The following TMEM207 variants were observed in gnomAD, a reference collection of about 807,000 sequenced individuals.
TMEM207 encodes SRSR846.
TMEM207 carries 15 observed loss-of-function variants against 17.4 expected under a neutral mutation model. The observed-to-expected ratio is 0.86, with a 90% CI of 0.58 to 1.33. The LOEUF (loss-of-function observed/expected upper bound fraction) is 1.33. Ranked by LOEUF, TMEM207 falls within the 40% of genes most tolerant of loss-of-function variation. The pLI is 0.00. For missense variants in TMEM207, 205 were observed against 173.8 expected, an observed-to-expected ratio of 1.18 and a Z score of -1.01; for synonymous variants, 70 against 65.6, an observed-to-expected ratio of 1.07 and a Z score of -0.33.
chr3:190,445,549 G>A (rs567714847), intron 2 of TMEM207, among the ~76,000 whole-genome samples: 12 of 152,150 alleles, frequency 7.9e-5, no homozygotes, highest in Non-Finnish European at 1.6e-4. Flanking sequence ...TATTTGAGAC[G>A]GAGTCTCGCT....
At chr3:190,435,066 T>C (rs1355245578) in intron 4 of TMEM207, among the ~76,000 whole-genome samples, 1 of 151,238 alleles carries the variant, frequency 6.6e-6, no homozygotes, top group Non-Finnish European at 1.5e-5. Flanking sequence ...CTTCTCCTCT[T>C]CTTCGTTCTC....
At chr3:190,440,586 G>C (rs142753585) in intron 3 of TMEM207, among the ~76,000 whole-genome samples, 197 bp from the exon 4 acceptor site, 22 of 152,146 alleles carry the variant, frequency 1.4e-4, no homozygotes, top group Admixed American at 1.4e-3. Flanking sequence ...GCCTCAGAAA[G>C]GGTTGATCTT....
At chr3:190,434,504 G>A (rs1719759701) in intron 4 of TMEM207, among the ~76,000 whole-genome samples, 1 of 152,128 alleles carries the variant, frequency 6.6e-6, no homozygotes, top group Admixed American at 6.5e-5. Flanking sequence ...CCAGCCACAT[G>A]GAACTGTAAG....
At chr3:190,438,707 T>C (rs1719857837) in intron 4 of TMEM207, among the ~76,000 whole-genome samples, 1 of 152,180 alleles carries the variant, frequency 6.6e-6, no homozygotes, top group Admixed American at 6.5e-5. Flanking sequence ...AGAAGCATAA[T>C]TGCATTTACT....
intron 3 of TMEM207, among the ~76,000 whole-genome samples, chr3:190,440,925 T>C (rs997795025): frequency 5.3e-5 from 8 of 152,040 alleles, no homozygotes; most frequent in East Asian, 3.9e-4. Context: ...AAAAATTAGC[T>C]GGGCGTGATG....
chr3:190,433,995 G>C (rs1719748685), intron 4 of TMEM207, among the ~76,000 whole-genome samples: 1 of 152,074 alleles, frequency 6.6e-6, no homozygotes, highest in Non-Finnish European at 1.5e-5. Flanking sequence ...CATGATTTAA[G>C]TTCCCTGAGG....
Position 190,440,285 on chromosome 3 carries a change from G to A in TMEM207, c.263C>T (p.Thr88Ile). 6.2e-7 allele frequency: 1 copy of A among 1,614,004 alleles called. No individual in the cohort carries two copies. Residue 88 changes from threonine (T) to isoleucine (I), a missense_variant, in exon 4 of 5, where the codon ACC (threonine) becomes ATC (isoleucine). Thr to Ile is a moderately conservative substitution (Grantham distance 89, BLOSUM62 -1). Transcript: ENST00000354905. ...GTCTCCAACAGCAAAAACTGCCATG[G>A]TGCGCCTGTGAGAATCAATTCGGGG... ...RRPRIDSHRRTMAVFAVGDLD... is the reference protein window; with the variant it reads ...RRPRIDSHRRIMAVFAVGDLD...
intron 4 of TMEM207, among the ~76,000 whole-genome samples, chr3:190,432,474 A>T (rs534947804): frequency 4.6e-5 from 7 of 152,346 alleles, no homozygotes; most frequent in African/African-American, 1.7e-4. Flanking sequence ...AGCACAGAGC[A>T]TGGCTCCTGG....
intron 4 of TMEM207, among the ~76,000 whole-genome samples, chr3:190,438,135 T>C (rs570551279): frequency 6.8e-6 from 1 of 147,572 alleles, no homozygotes; most frequent in South Asian, 2.3e-4. Flanking sequence ...TTAGGAGATA[T>C]ACCTAATGCA....
chr3:190,446,638 A>G (rs141900236), intron 2 of TMEM207, among the ~76,000 whole-genome samples: 1 of 152,290 alleles, frequency 6.6e-6, no homozygotes, highest in Admixed American at 6.5e-5. Context: ...CTCATTTACT[A>G]TTTCTCTTAG....
intron 4 of TMEM207, among the ~76,000 whole-genome samples, chr3:190,432,902 C>A (rs1285119355): frequency 6.6e-6 from 1 of 152,124 alleles, no homozygotes; most frequent in East Asian, 1.9e-4. Flanking sequence ...GAAGCTAAGC[C>A]AAGATGAGTG....
chr3:190,443,457 T>C (rs1015827841), intron 2 of TMEM207, among the ~76,000 whole-genome samples: 16 of 152,128 alleles, frequency 1.1e-4, no homozygotes, highest in African/African-American at 3.4e-4. Flanking sequence ...AGAAATAACA[T>C]GGCTAGGAAG....
rs1277635881 is a variant in TMEM207, at chr3:190,441,442, T to G, written c.154A>C (p.Ile52Leu). The G allele has an allele frequency of 6.2e-7, 1 of 1,610,902 alleles. No homozygotes were observed. The highest frequency in any genetic ancestry group is 2.2e-5 in the East Asian group (1 of 44,854). The change falls in exon 3 of 5, where the codon ATC becomes CTC. Residue 52 changes from isoleucine to leucine, a missense_variant. Transcript: ENST00000354905. ...ACAAATGGAAGATATCCTTACCAGATATACCAGCCATTAGGGTGTTGGTCA... is the reference window on the plus strand; with the variant it reads ...ACAAATGGAAGATATCCTTACCAGAGATACCAGCCATTAGGGTGTTGGTCA... Reference protein sequence around the residue: ...YNDQHPNGWYIWILLLLVLVA... With the variant: ...YNDQHPNGWYLWILLLLVLVA...
At chr3:190,442,325 G>T (rs1323508975) in intron 2 of TMEM207, among the ~76,000 whole-genome samples, 1 of 152,138 alleles carries the variant, frequency 6.6e-6, no homozygotes, top group East Asian at 1.9e-4. Context: ...CTTCTGAGAA[G>T]ACACTATACT....
chr3:190,434,614 A>C (rs1281817269), intron 4 of TMEM207, among the ~76,000 whole-genome samples: 1 of 152,252 alleles, frequency 6.6e-6, no homozygotes, highest in East Asian at 1.9e-4. Context: ...AAAACATCAA[A>C]AAGAATGAAA....
At chr3:190,432,410 G>T (rs1346017) in intron 4 of TMEM207, among the ~76,000 whole-genome samples, 13,280 of 152,198 alleles carry the variant, frequency 0.087, 819 homozygotes, top group African/African-American at 0.17. Context: ...GAATGATAGT[G>T]AACCTTCATA....
chr3:190,442,975 A>C (rs1195518874), intron 2 of TMEM207, among the ~76,000 whole-genome samples: 4 of 152,170 alleles, frequency 2.6e-5, no homozygotes, highest in Non-Finnish European at 5.9e-5. Context: ...TGGCATTATG[A>C]AAAACTCTAT....
chr3:190,444,670 A>G (rs1390668185), intron 2 of TMEM207, among the ~76,000 whole-genome samples: 4 of 152,160 alleles, frequency 2.6e-5, no homozygotes, highest in Admixed American at 2.6e-4. Flanking sequence ...GAGAGAGAAT[A>G]TTGGTTATAT....
chr3:190,445,209 C>T (rs1439816457), intron 2 of TMEM207, among the ~76,000 whole-genome samples: 4 of 152,124 alleles, frequency 2.6e-5, no homozygotes, highest in African/African-American at 7.2e-5. Context: ...TCTATCAATG[C>T]AATTAATTTA....
Sources: gnomAD v4.1 joint callset for allele counts (sites outside exome capture counted in the v4.1 genomes callset) on GRCh38, gnomAD v4.1.1 for gene constraint, MANE v1.5 for transcripts, NCBI Gene and HGNC (gene_info 2026-07-23, HGNC 2026-07-21) for gene names.